Variants in TMEM178B observed in about 807,000 individuals in gnomAD.
TMEM178B encodes the protein transmembrane protein 178B.
TMEM178B carries 5 observed loss-of-function variants against 31.0 expected under a neutral mutation model. The observed-to-expected ratio is 0.16, with a 90% CI of 0.08 to 0.34. The LOEUF (loss-of-function observed/expected upper bound fraction) is 0.34. Among genes scored for constraint, TMEM178B ranks in the 10% least tolerant of loss-of-function variants. TMEM178B has a pLI of 1.00. For missense variants in TMEM178B, 275 were observed against 400.3 expected (o/e 0.69, Z 2.67); for synonymous variants, 164 against 164.0 (o/e 1.00, Z 0.00).
chr7:141,274,898 C>T (rs1244902292), intron 2 of TMEM178B, among the ~76,000 whole-genome samples: 2 of 152,150 alleles, frequency 1.3e-5, no homozygotes, highest in Non-Finnish European at 2.9e-5. Context: ...GAAACCCAGA[C>T]TCCAACCAAG....
intron 2 of TMEM178B, among the ~76,000 whole-genome samples, chr7:141,258,141 C>T (rs990532103): frequency 4.1e-5 from 6 of 146,496 alleles, no homozygotes; most frequent in Non-Finnish European, 8.9e-5. Context: ...TCTTTCTTCT[C>T]CTTTATGCTA....
Position 141,324,448 on chromosome 7 carries a change from T to G in TMEM178B, c.496+111744T>G, listed in dbSNP as rs999148228. Among the ~76,000 whole-genome samples, 85 of 116,128 alleles carry G rather than the reference T, an allele frequency of 7.3e-4. 1 individual carries two copies. The highest frequency in any genetic ancestry group is 1.3e-3 in the Non-Finnish European group (73 of 54,596). The allele number at this position is 116,128 out of a possible 152,430, so 76.2% of individuals were successfully genotyped here. On this transcript the variant is annotated intron_variant, in intron 2 of 3. Coordinates refer to ENST00000565468, the MANE Select transcript of TMEM178B (RefSeq NM_001195278.2). Reference sequence around the variant, plus strand: ...TTTTTTTTTTTTTTTTTTTTTTTTTTTTTTTCCTGAGCGATTGAAAAATGC... The same window carrying G: ...TTTTTTTTTTTTTTTTTTTTTTTTTGTTTTTCCTGAGCGATTGAAAAATGC...
At chr7:141,081,301 TA>T (rs1189720097) in intron 1 of TMEM178B, among the ~76,000 whole-genome samples, 1 of 151,826 alleles carries the variant, frequency 6.6e-6, no homozygotes, top group African/African-American at 2.4e-5. Flanking sequence ...AGTTGAAAAA[TA>T]AAAAATTTTA....
rs190032137 is a variant in TMEM178B at position 141,115,107 on chromosome 7, A to C, written c.382+40415A>C. On this transcript the variant is annotated intron_variant, in intron 1 of 3. Coordinates refer to ENST00000565468, the MANE Select transcript of TMEM178B (RefSeq NM_001195278.2). ...ACCCAGGCTGGAATGCAGTGGCGTG[A>C]TCTTGGCTCACTGCAACCTCCGCCT... Among the ~76,000 whole-genome samples, 593 of 152,110 alleles carry C rather than the reference A, an allele frequency of 3.9e-3. 8 individuals carry two copies. Among genetic ancestry groups the C allele is most frequent in the African/African-American group, 0.013 (557 of 41,508 alleles).
At chr7:141,163,184 G>A (rs1442993541) in intron 1 of TMEM178B, among the ~76,000 whole-genome samples, 1 of 152,176 alleles carries the variant, frequency 6.6e-6, no homozygotes, top group African/African-American at 2.4e-5. Context: ...GCCTTAGCTA[G>A]GGCGGTTCTT....
intron 2 of TMEM178B, among the ~76,000 whole-genome samples, chr7:141,397,557 A>C (rs1219546570): frequency 6.6e-6 from 1 of 152,206 alleles, no homozygotes. Flanking sequence ...AATGGCAGAC[A>C]GGTTCTCCAG....
At chr7:141,286,357 G>A (rs918594904) in intron 2 of TMEM178B, among the ~76,000 whole-genome samples, 11 of 152,142 alleles carry the variant, frequency 7.2e-5, no homozygotes, top group Non-Finnish European at 2.9e-5. Context: ...CATTGTTTTA[G>A]GTATAGAGCC....
chr7:141,366,216 G>T (rs1424829336), intron 2 of TMEM178B, among the ~76,000 whole-genome samples: 1 of 152,160 alleles, frequency 6.6e-6, no homozygotes, highest in Non-Finnish European at 1.5e-5. Flanking sequence ...GATCCCTGGA[G>T]ACCAAAGAGC....
Position 141,167,802 on chromosome 7 carries a change from C to T in TMEM178B, c.383-44789C>T, listed in dbSNP as rs770509062. ...GGCCGGTGTGCCCTGGTGGCTCCTC[C>T]CAAGGCCAATTTGCCAGCAATCTGA... On this transcript the variant is annotated intron_variant, in intron 1 of 3. Transcript: ENST00000565468. Among the ~76,000 whole-genome samples, 5 of 152,304 alleles carry T rather than the reference C, an allele frequency of 3.3e-5. 1 individual carries two copies. Among genetic ancestry groups the T allele is most frequent in the South Asian group, 4.1e-4 (2 of 4,826 alleles).
chr7:141,338,962 A>G (rs1444828776), intron 2 of TMEM178B, among the ~76,000 whole-genome samples: 1 of 152,208 alleles, frequency 6.6e-6, no homozygotes, highest in African/African-American at 2.4e-5. Flanking sequence ...GCCTATTAAA[A>G]TGTAAATTGT....
intron 1 of TMEM178B, among the ~76,000 whole-genome samples, chr7:141,078,141 G>C (rs1250496372): frequency 3.2e-4 from 48 of 152,068 alleles, no homozygotes; most frequent in Admixed American, 3.1e-3. Context: ...CCTAGTAAGT[G>C]ACTGCAGGCA....
At chr7:141,283,672 T>A (rs1798400148) in intron 2 of TMEM178B, among the ~76,000 whole-genome samples, 1 of 152,252 alleles carries the variant, frequency 6.6e-6, no homozygotes, top group African/African-American at 2.4e-5. Flanking sequence ...TTTGACCCTC[T>A]ACTTCTCAGC....
intron 1 of TMEM178B, among the ~76,000 whole-genome samples, chr7:141,135,097 G>A (rs753917608): frequency 6.6e-6 from 1 of 152,154 alleles, no homozygotes; most frequent in Non-Finnish European, 1.5e-5. Context: ...CTCCATGATT[G>A]TGAGGCCTCC....
intron 2 of TMEM178B, among the ~76,000 whole-genome samples, chr7:141,311,264 A>G (rs1320577938): frequency 6.6e-6 from 1 of 152,234 alleles, no homozygotes; most frequent in African/African-American, 2.4e-5. Flanking sequence ...CCTATGTAAC[A>G]AACAGGCACA....
chr7:141,399,674 A>G (rs1047624358), intron 2 of TMEM178B, among the ~76,000 whole-genome samples: 6 of 152,174 alleles, frequency 3.9e-5, no homozygotes, highest in African/African-American at 1.4e-4. Context: ...TTCTCCAAAG[A>G]TGGTTTATGG....
At chr7:141,270,071 AC>A (rs1798156850) in intron 2 of TMEM178B, among the ~76,000 whole-genome samples, 1 of 152,206 alleles carries the variant, frequency 6.6e-6, no homozygotes, top group African/African-American at 2.4e-5. Flanking sequence ...TCTCAAAAAA[AC>A]AAACAAACAA....
intron 2 of TMEM178B, among the ~76,000 whole-genome samples, chr7:141,383,473 G>T (rs1476503352): frequency 6.6e-6 from 1 of 151,606 alleles, no homozygotes; most frequent in African/African-American, 2.4e-5. Context: ...GCAATGTTCG[G>T]TTTTTTGTCC....
In TMEM178B at chr7:141,245,254, T is replaced by C. The variant is rs193184264; in HGVS notation, c.496+32550T>C. ...GTAGGAGGAGAGCCAAGAAACATCA[T>C]GTTAAGGGGCCCAGGAGTGAGAAGG... On this transcript the variant is annotated intron_variant, in intron 2 of 3. Transcript: ENST00000565468. 3.3e-5 allele frequency among the ~76,000 whole-genome samples: 4 copies of C among 122,942 alleles called. No homozygotes were observed. In the East Asian group the frequency reaches 7.6e-4, roughly 23 times the overall value. The allele number at this position is 122,942 out of a possible 152,430, so 80.7% of individuals were successfully genotyped here. A position where few individuals can be genotyped will look rare whatever the true frequency, so the allele number is the denominator to read the frequency against.
intron 1 of TMEM178B, among the ~76,000 whole-genome samples, chr7:141,104,818 C>T (rs1183994934): frequency 6.6e-6 from 1 of 152,092 alleles, no homozygotes; most frequent in Non-Finnish European, 1.5e-5. Flanking sequence ...ATAAGGACAC[C>T]AGTTGTATTG....
Sources: gnomAD v4.1 joint callset for allele counts (sites outside exome capture counted in the v4.1 genomes callset) on GRCh38, gnomAD v4.1.1 for gene constraint, MANE v1.5 for transcripts, NCBI Gene and HGNC (gene_info 2026-07-23, HGNC 2026-07-21) for gene names.